ZFHX3: variants seen among roughly 807,000 people sequenced by gnomAD.
ZFHX3 encodes zinc finger homeobox protein 3.
In ZFHX3, 42 loss-of-function variants were observed where a neutral mutation model predicts 279.1. The observed-to-expected ratio is 0.15, with a 90% CI of 0.12 to 0.19. The LOEUF is 0.19. Ranked by LOEUF, ZFHX3 falls within the 10% of genes least tolerant of loss-of-function variation. The pLI is 1.00. For synonymous variants in ZFHX3, 2,293 were observed against 1,957.8 expected (o/e 1.17, Z -4.52); for missense variants, 4,981 against 4,754.0 (o/e 1.05, Z -1.40).
At chr16:73,579,101 A>T (rs541510711) in intron 2 of ZFHX3, among the ~76,000 whole-genome samples, 2 of 152,332 alleles carry the variant, frequency 1.3e-5, no homozygotes, top group Non-Finnish European at 2.9e-5. Flanking sequence ...CATCTGCGTG[A>T]TAAAACCTTA....
intron 7 of ZFHX3, among the ~76,000 whole-genome samples, chr16:73,106,211 G>A (rs1966302635): frequency 6.6e-6 from 1 of 152,032 alleles, no homozygotes; most frequent in African/African-American, 2.4e-5. Flanking sequence ...ATCTTGTCTT[G>A]TTCTTTTTTT....
chr16:73,483,202 G>A, intron 2 of ZFHX3: 1 of 350,306 alleles, frequency 2.9e-6, no homozygotes, highest in South Asian at 2.1e-5. Flanking sequence ...AAGAGAACGC[G>A]TGGGCCCCTG....
At chr16:73,439,259 T>C (rs991116345) in intron 3 of ZFHX3, among the ~76,000 whole-genome samples, 1 of 152,142 alleles carries the variant, frequency 6.6e-6, no homozygotes, top group African/African-American at 2.4e-5. Flanking sequence ...TTGAACAGAC[T>C]GTTGAATGAT....
At chr16:73,510,929 C>A (rs1338254944) in intron 2 of ZFHX3, among the ~76,000 whole-genome samples, 1 of 152,234 alleles carries the variant, frequency 6.6e-6, no homozygotes, top group Non-Finnish European at 1.5e-5. Context: ...TCTATTCTAG[C>A]AATTAATGTG....
At chr16:73,788,417 A>C (rs889771495) in intron 1 of ZFHX3, among the ~76,000 whole-genome samples, 1 of 152,190 alleles carries the variant, frequency 6.6e-6, no homozygotes, top group African/African-American at 2.4e-5. Flanking sequence ...CCTCAGAAGA[A>C]ATAGAAGTGA....
At chr16:73,247,216 A>T (rs558782716) in intron 5 of ZFHX3, among the ~76,000 whole-genome samples, 1 of 149,956 alleles carries the variant, frequency 6.7e-6, no homozygotes, top group Admixed American at 6.6e-5. Flanking sequence ...ACTGTGTATA[A>T]AATGTGTCTG....
At chr16:72,869,373 C>A (rs1046229858) in intron 4 of ZFHX3, among the ~76,000 whole-genome samples, 1 of 116,896 alleles carries the variant, frequency 8.6e-6, no homozygotes, top group East Asian at 2.5e-4. Context: ...CTGATGAGAG[C>A]TAAAGGTGTT....
At chr16:73,730,596 G>A (rs2053562180) in intron 1 of ZFHX3, among the ~76,000 whole-genome samples, 1 of 152,044 alleles carries the variant, frequency 6.6e-6, no homozygotes, top group South Asian at 2.1e-4. Context: ...TTGGAGAGTT[G>A]GCATCAGGCT....
chr16:73,028,666 AC>A (rs1222993359), intron 1 of ZFHX3, among the ~76,000 whole-genome samples: 1 of 151,614 alleles, frequency 6.6e-6, no homozygotes, highest in Non-Finnish European at 1.5e-5. Context: ...CTCTGCCAAG[AC>A]CCCCACTGGT....
At chr16:73,517,956 T>C (rs549659508) in intron 2 of ZFHX3, among the ~76,000 whole-genome samples, 1 of 152,360 alleles carries the variant, frequency 6.6e-6, no homozygotes, top group South Asian at 2.1e-4. Context: ...TATTATTAAT[T>C]ATTGTTGTAC....
chr16:73,633,335 G>C (rs1475822929), intron 2 of ZFHX3, among the ~76,000 whole-genome samples: 3 of 152,106 alleles, frequency 2.0e-5, no homozygotes, highest in Non-Finnish European at 4.4e-5. Flanking sequence ...AAACCCACAA[G>C]TCACCATAGA....
chr16:73,492,129 A>G (rs1205207453), intron 2 of ZFHX3, among the ~76,000 whole-genome samples: 1 of 152,174 alleles, frequency 6.6e-6, no homozygotes, highest in Non-Finnish European at 1.5e-5. Flanking sequence ...ATCTCCTTAC[A>G]TGAAATCTGT....
chr16:73,475,553 C>T (rs183729012), intron 2 of ZFHX3, among the ~76,000 whole-genome samples: 1 of 152,044 alleles, frequency 6.6e-6, no homozygotes, highest in East Asian at 1.9e-4. Context: ...ATATACTCTT[C>T]CTCAAAGTTG....
intron 2 of ZFHX3, chr16:73,483,349 G>C (rs1991048): frequency 0.35 from 147,800 of 419,222 alleles, 28,757 homozygotes; most frequent in East Asian, 0.84. Flanking sequence ...GAGAGAGAGA[G>C]AAAGAGAGAG....
intron 1 of ZFHX3, among the ~76,000 whole-genome samples, chr16:73,807,829 T>C (rs1169719326): frequency 6.6e-6 from 1 of 151,902 alleles, no homozygotes; most frequent in Non-Finnish European, 1.5e-5. Context: ...CGCGGGACTC[T>C]AATGTCTTTT....
At chr16:73,197,459 GA>G (rs1968175126) in intron 5 of ZFHX3, among the ~76,000 whole-genome samples, 1 of 152,212 alleles carries the variant, frequency 6.6e-6, no homozygotes, top group Admixed American at 6.5e-5. Flanking sequence ...CCCTGCTCCA[GA>G]CATTGTAGCA....
chr16:73,882,507 G>C (rs899744105), intron 1 of ZFHX3, among the ~76,000 whole-genome samples: 2 of 151,824 alleles, frequency 1.3e-5, no homozygotes, highest in African/African-American at 4.8e-5. Context: ...CGGTTCTCCA[G>C]GTGGCCTCTG....
At chr16:73,460,092 T>A (rs2018447552) in intron 2 of ZFHX3, among the ~76,000 whole-genome samples, 1 of 152,196 alleles carries the variant, frequency 6.6e-6, no homozygotes, top group Non-Finnish European at 1.5e-5. Context: ...CAAGGAGCTC[T>A]CCTTTGGGCC....
At chr16:73,303,940 T>C (rs976167805) in intron 4 of ZFHX3, among the ~76,000 whole-genome samples, 26 of 126,826 alleles carry the variant, frequency 2.1e-4, no homozygotes, top group African/African-American at 6.1e-4. Context: ...CCCAATCTGA[T>C]GGAGGTTCAA....
Sources: gnomAD v4.1 joint callset for allele counts (sites outside exome capture counted in the v4.1 genomes callset) on GRCh38, gnomAD v4.1.1 for gene constraint, MANE v1.5 for transcripts, NCBI Gene and HGNC (gene_info 2026-07-23, HGNC 2026-07-21) for gene names.